ITSN1: variants seen among roughly 807,000 people sequenced by gnomAD.
ITSN1 encodes intersectin 1.
A neutral mutation model predicts 239.8 loss-of-function variants in ITSN1; 58 were observed. That is an observed-to-expected ratio of 0.24 (90% CI 0.20 to 0.30). ITSN1 has a LOEUF of 0.30. Among genes scored for constraint, ITSN1 ranks in the 10% least tolerant of loss-of-function variants. The probability of loss-of-function intolerance (pLI) is 1.00; values close to 1 mark genes in which losing one functional copy is unlikely to be tolerated. For synonymous variants in ITSN1, 780 were observed against 770.8 expected (o/e 1.01, Z -0.20); for missense variants, 1,558 against 2,103.3 (o/e 0.74, Z 5.07).
chr21:33,813,982 C>A lies in ITSN1; in HGVS notation c.2637C>A (p.Leu879=). Residue 879 remains leucine (L), a synonymous_variant, in exon 22 of 40, where the codon CTC becomes CTA. Transcript: ENST00000381318. The stretch of plus-strand genomic sequence containing the variant: ...ATGCATGGGCAGCCCAGCCCTCTCT[C>A]ACCGTTCCAAGTGCCGGCCAGTTAA... ...NWDAWAAQPS[L]TVPSAGQLRQ... 6.2e-7 allele frequency: 1 copy of A among 1,614,186 alleles called. No homozygotes were observed.
At chr21:33,725,915 C>T (rs2065807052) in intron 4 of ITSN1, among the ~76,000 whole-genome samples, 1 of 152,196 alleles carries the variant, frequency 6.6e-6, no homozygotes, top group South Asian at 2.1e-4. Context: ...TGCCTTTCAA[C>T]TGAGCTGATT....
At position 33,718,057 on chromosome 21, in the gene ITSN1, G is replaced by A. The variant is rs148816899; in HGVS notation, c.-32-740G>A. Among the ~76,000 whole-genome samples the A allele has an allele frequency of 3.0e-3, 451 of 152,246 alleles. 3 individuals are homozygous for A. The highest frequency in any genetic ancestry group is 0.01 in the African/African-American group (420 of 41,532). ...TTAGCAGGACAGCTAACTCCACAGC[G>A]TTTGGTCACCAAACGAATGATATCG... On this transcript the variant is annotated intron_variant, in intron 1 of 39. Transcript: ENST00000381318.
At chr21:33,664,376 C>A (rs776722841) in intron 1 of ITSN1, among the ~76,000 whole-genome samples, 6 of 151,980 alleles carry the variant, frequency 3.9e-5, no homozygotes, top group African/African-American at 1.5e-4. Flanking sequence ...GTAGTAGGAG[C>A]GGGATGGGAA....
chr21:33,761,732 CTG>C (rs1425997216), intron 8 of ITSN1, among the ~76,000 whole-genome samples, 189 bp from the exon 9 acceptor site: 2 of 152,310 alleles, frequency 1.3e-5, no homozygotes, highest in East Asian at 3.9e-4. Flanking sequence ...ATGCTGTGCT[CTG>C]TGTTTCTCCT....
At chr21:33,760,789 C>T (rs576629400) in intron 8 of ITSN1, among the ~76,000 whole-genome samples, 1 of 152,184 alleles carries the variant, frequency 6.6e-6, no homozygotes, top group East Asian at 1.9e-4. Context: ...ATCTTCCCAA[C>T]AAAATTGCCA....
chr21:33,871,204 T>TA (rs1982656438), intron 33 of ITSN1, among the ~76,000 whole-genome samples: 2 of 151,920 alleles, frequency 1.3e-5, no homozygotes, highest in Admixed American at 1.3e-4. Context: ...TGGGAATGGT[T>TA]AAATAATTAT....
intron 29 of ITSN1, among the ~76,000 whole-genome samples, chr21:33,842,718 C>T (rs1169977728): frequency 6.6e-6 from 1 of 152,174 alleles, no homozygotes; most frequent in African/African-American, 2.4e-5. Flanking sequence ...AGTGATGTTG[C>T]AAGCCTCAAA....
chr21:33,808,265 A>C (rs1308583401), intron 20 of ITSN1, among the ~76,000 whole-genome samples: 1 of 151,382 alleles, frequency 6.6e-6, no homozygotes, highest in African/African-American at 2.4e-5. Context: ...GCAACATCAG[A>C]GCTGGACAGC....
At chr21:33,869,275 G>A (rs1982289267) in intron 33 of ITSN1, among the ~76,000 whole-genome samples, 1 of 152,186 alleles carries the variant, frequency 6.6e-6, no homozygotes. Flanking sequence ...CATGGTGGAA[G>A]GGGAAGCAAA....
chr21:33,746,856 A>G (rs1011732945), intron 5 of ITSN1, among the ~76,000 whole-genome samples: 5 of 151,800 alleles, frequency 3.3e-5, no homozygotes, highest in Admixed American at 6.6e-5. Flanking sequence ...AAAAAAAAGG[A>G]AAGTTCAATA....
At chr21:33,850,632 T>C (rs1295125346) in intron 29 of ITSN1, among the ~76,000 whole-genome samples, 1 of 152,202 alleles carries the variant, frequency 6.6e-6, no homozygotes, top group East Asian at 1.9e-4. Context: ...CGAGCGTGGA[T>C]GCTGCTTCAC....
At chr21:33,817,150 T>G (rs2073332440) in intron 22 of ITSN1, 1 of 1,205,920 alleles carries the variant, frequency 8.3e-7, no homozygotes, top group Admixed American at 3.6e-5. Flanking sequence ...GTGTTTCATT[T>G]TTTACTAAAT....
In ITSN1 at chr21:33,865,972, CCATT is replaced by C. The variant is rs1303520174; in HGVS notation, c.4074+641_4074+644del. On this transcript the variant is annotated intron_variant, in intron 32 of 39. Transcript: ENST00000381318. This position sits in a 1 kb window ranked among gnomAD's most constrained non-coding sequence, Gnocchi z 4.4. Reference sequence around the variant, plus strand: ...GTGGGTCTCTGCTGGCCGTGCTGGGCCATTCAAACAGCCCCCACATCTCCTGGAG... The same window carrying C: ...GTGGGTCTCTGCTGGCCGTGCTGGGCCAAACAGCCCCCACATCTCCTGGAG... 4.6e-5 allele frequency among the ~76,000 whole-genome samples: 7 copies of C among 152,080 alleles called. No individual in the cohort carries two copies. In the South Asian group the frequency reaches 1.2e-3, roughly 27 times the overall value.
intron 5 of ITSN1, among the ~76,000 whole-genome samples, chr21:33,741,937 C>G (rs1202768735): frequency 2.7e-5 from 4 of 148,340 alleles, no homozygotes; most frequent in Non-Finnish European, 4.5e-5. Flanking sequence ...GATTTTCTTA[C>G]TGTATAAGTA....
intron 5 of ITSN1, among the ~76,000 whole-genome samples, chr21:33,747,492 C>T (rs1418162596): frequency 9.0e-6 from 1 of 111,582 alleles, no homozygotes; most frequent in Non-Finnish European, 1.9e-5. Flanking sequence ...AAGCTCAACA[C>T]ACCTCAAGTA....
chr21:33,749,112 C>T (rs1369323608), intron 5 of ITSN1, among the ~76,000 whole-genome samples: 1 of 151,720 alleles, frequency 6.6e-6, no homozygotes, highest in Non-Finnish European at 1.5e-5. Context: ...CCTCAGCCTT[C>T]CATGTAGCTA....
intron 1 of ITSN1, among the ~76,000 whole-genome samples, chr21:33,681,571 G>A (rs973239291): frequency 6.6e-6 from 1 of 151,654 alleles, no homozygotes; most frequent in Non-Finnish European, 1.5e-5. Context: ...AAAGTAAACA[G>A]ATTATTTTCA....
intron 16 of ITSN1, among the ~76,000 whole-genome samples, chr21:33,785,763 A>G (rs1014258614): frequency 6.6e-6 from 1 of 152,182 alleles, no homozygotes; most frequent in African/African-American, 2.4e-5. Context: ...TTAAGTTTCT[A>G]CCTAATCCAT....
At chr21:33,651,362 GA>G (rs1862604417) in intron 1 of ITSN1, among the ~76,000 whole-genome samples, 1 of 152,200 alleles carries the variant, frequency 6.6e-6, no homozygotes, top group Non-Finnish European at 1.5e-5. Flanking sequence ...GGATAGAGAG[GA>G]ACATTCCATT....
Sources: gnomAD v4.1 joint callset for allele counts (sites outside exome capture counted in the v4.1 genomes callset) on GRCh38, gnomAD v4.1.1 for gene constraint, Gnocchi (gnomAD v3.1) non-coding constraint, MANE v1.5 for transcripts, NCBI Gene and HGNC (gene_info 2026-07-23, HGNC 2026-07-21) for gene names.